UTS2: variants seen among roughly 807,000 people sequenced by gnomAD.
UTS2 encodes the protein urotensin-2.
A neutral mutation model predicts 12.6 loss-of-function variants in UTS2; 10 were observed. The ratio of observed to expected loss-of-function variants is 0.80; its 90% CI spans 0.49 to 1.35. UTS2 has a LOEUF of 1.35. UTS2 is among the 40% of genes most tolerant of loss of function. The probability of loss-of-function intolerance (pLI) is 0.00; values close to 1 mark genes in which losing one functional copy is unlikely to be tolerated. For missense variants in UTS2, 142 were observed against 143.2 expected, an observed-to-expected ratio of 0.99 and a Z score of 0.04; for synonymous variants, 52 against 50.0, an observed-to-expected ratio of 1.04 and a Z score of -0.17.
At chr1:7,878,616 C>A in the UTS2 span, among the ~76,000 whole-genome samples, 1 of 151,882 alleles carries the variant, frequency 6.6e-6, no homozygotes, top group African/African-American at 2.4e-5. Context: ...GTAGTCACAG[C>A]TATACAGGAG....
chr1:7,874,171 TA>T, the UTS2 span, among the ~76,000 whole-genome samples: 1 of 151,976 alleles, frequency 6.6e-6, no homozygotes, highest in East Asian at 1.9e-4. Context: ...CTGCCCAACG[TA>T]GGGAAAAGGT....
At chr1:7,894,914 G>C in the UTS2 span, among the ~76,000 whole-genome samples, 1 of 151,796 alleles carries the variant, frequency 6.6e-6, no homozygotes, top group Non-Finnish European at 1.5e-5. Flanking sequence ...CTGGGCGAGA[G>C]AGCAAGACCC....
At chr1:7,856,490 G>A (rs557566510), upstream of UTS2, among the ~76,000 whole-genome samples, 11 of 126,078 alleles carry the variant, frequency 8.7e-5, no homozygotes, top group Admixed American at 7.9e-4. Flanking sequence ...GGAGTGTGGA[G>A]CCTCCAGCGA....
chr1:7,851,678 C>T (rs1236622039), intron 1 of UTS2, among the ~76,000 whole-genome samples: 1 of 152,100 alleles, frequency 6.6e-6, no homozygotes, highest in Non-Finnish European at 1.5e-5. Flanking sequence ...GGACAGTGAG[C>T]AGATCATCAT....
the UTS2 span, among the ~76,000 whole-genome samples, chr1:7,884,254 G>A: frequency 6.6e-6 from 1 of 151,354 alleles, no homozygotes; most frequent in Non-Finnish European, 1.5e-5. Context: ...ATTAATTAAA[G>A]AACATGTTTT....
chr1:7,856,742 G>A (rs1034814238), upstream of UTS2, among the ~76,000 whole-genome samples: 2 of 152,178 alleles, frequency 1.3e-5, no homozygotes, highest in Non-Finnish European at 2.9e-5. Context: ...GGAACCTAAC[G>A]TCCAAGAGAA....
chr1:7,865,952 A>C, the UTS2 span, among the ~76,000 whole-genome samples: 5,260 of 152,212 alleles, frequency 0.035, 261 homozygotes, highest in African/African-American at 0.11. Context: ...CAAATAAACA[A>C]ACTAATACAA....
At chr1:7,894,504 G>A in the UTS2 span, among the ~76,000 whole-genome samples, 4 of 152,052 alleles carry the variant, frequency 2.6e-5, no homozygotes, top group Admixed American at 1.3e-4. Context: ...CAAGGGCTGT[G>A]GTGAATGAAA....
At chr1:7,853,521 T>G, upstream of UTS2, 1 of 1,505,208 alleles carries the variant, frequency 6.6e-7, no homozygotes, top group African/African-American at 1.4e-5. Flanking sequence ...GATTAAAACG[T>G]AAAACCAGCT....
the UTS2 span, among the ~76,000 whole-genome samples, chr1:7,908,011 C>T: frequency 8.7e-6 from 1 of 114,716 alleles, no homozygotes; most frequent in African/African-American, 3.5e-5. Flanking sequence ...ACTAAAAATA[C>T]AAAAATTAAG....
chr1:7,877,787 C>T, the UTS2 span, among the ~76,000 whole-genome samples: 5 of 151,936 alleles, frequency 3.3e-5, no homozygotes, highest in East Asian at 5.8e-4. Flanking sequence ...GCAAGAGAAT[C>T]GCTTGAACCT....
chr1:7,900,435 A>T, the UTS2 span, among the ~76,000 whole-genome samples: 1 of 152,088 alleles, frequency 6.6e-6, no homozygotes, highest in African/African-American at 2.4e-5. Flanking sequence ...GAAGGAAGGA[A>T]GCGAGCAAGG....
At chr1:7,874,170 G>T in the UTS2 span, among the ~76,000 whole-genome samples, 1 of 152,132 alleles carries the variant, frequency 6.6e-6, no homozygotes, top group Admixed American at 6.5e-5. Flanking sequence ...ACTGCCCAAC[G>T]TAGGGAAAAG....
chr1:7,906,821 A>AACTTAGCC, the UTS2 span, among the ~76,000 whole-genome samples: 4 of 152,200 alleles, frequency 2.6e-5, no homozygotes, highest in Admixed American at 2.6e-4. Flanking sequence ...AACACCAGTT[A>AACTTAGCC]ACTTAGCCAA....
rs953632737 is a variant in UTS2, at chr1:7,849,506, T to C, written c.258+134A>G. ...GATCACAGGCATGAGCTACCGCGCC[T>C]GGTCATGCTGGCCAATTATTTTAAG... is the stretch of plus-strand genomic sequence containing the variant. On this transcript the variant is annotated intron_variant, in intron 3 of 3. Coordinates refer to ENST00000361696, the MANE Select transcript of UTS2 (RefSeq NM_006786.4). 7.6e-5 allele frequency: 61 copies of C among 798,442 alleles called. No individual in the cohort carries two copies. In the East Asian group the frequency reaches 9.4e-4, roughly 12 times the overall value. The allele number at this position is 798,442 out of a possible 1,614,324, so 49.5% of individuals were successfully genotyped here.
the UTS2 span, among the ~76,000 whole-genome samples, chr1:7,875,771 G>C: frequency 6.6e-6 from 1 of 152,058 alleles, no homozygotes; most frequent in Non-Finnish European, 1.5e-5. Flanking sequence ...TCAGGAACTT[G>C]AGAACAGACC....
At chr1:7,911,496 T>G in the UTS2 span, among the ~76,000 whole-genome samples, 2 of 152,322 alleles carry the variant, frequency 1.3e-5, no homozygotes, top group Non-Finnish European at 2.9e-5. Context: ...TTATGTAAAC[T>G]GCCTAAGGAC....
the UTS2 span, among the ~76,000 whole-genome samples, chr1:7,906,447 A>AAG: frequency 1.2e-3 from 39 of 33,820 alleles, no homozygotes; most frequent in African/African-American, 3.3e-3. Flanking sequence ...AAGAAAGAAA[A>AAG]AGAGAAAGAA....
chr1:7,874,616 C>G, the UTS2 span, among the ~76,000 whole-genome samples: 2 of 152,196 alleles, frequency 1.3e-5, no homozygotes, highest in African/African-American at 4.8e-5. Flanking sequence ...TTCCCAGAGC[C>G]GCAGAGCTGC....
Sources: gnomAD v4.1 joint callset for allele counts (sites outside exome capture counted in the v4.1 genomes callset) on GRCh38, gnomAD v4.1.1 for gene constraint, MANE v1.5 for transcripts, NCBI Gene and HGNC (gene_info 2026-07-23, HGNC 2026-07-21) for gene names.